Variants in SRCIN1 observed in about 807,000 individuals in gnomAD.
SRCIN1 encodes SRC kinase signaling inhibitor 1, also known as P130Cas-associated protein.
SRCIN1 carries 50 observed loss-of-function variants against 116.2 expected under a neutral mutation model. The observed-to-expected ratio is 0.43, with a 90% CI of 0.34 to 0.54. The LOEUF (loss-of-function observed/expected upper bound fraction) is 0.54, where lower values mean the gene tolerates loss of function less well. Ranked by LOEUF, SRCIN1 falls within the 20% of genes least tolerant of loss-of-function variation. SRCIN1 has a pLI of 0.02. For synonymous variants in SRCIN1, 736 were observed against 750.0 expected (o/e 0.98, Z 0.30); for missense variants, 1,446 against 1,672.0 (o/e 0.86, Z 2.36).
intron 11 of SRCIN1, among the ~76,000 whole-genome samples, chr17:38,557,405 C>T (rs1905878894): frequency 6.6e-6 from 1 of 152,244 alleles, no homozygotes; most frequent in African/African-American, 2.4e-5. Flanking sequence ...ATCACTCAGC[C>T]TCTCAGTGCT....
chr17:38,584,361 A>G (rs898295900), intron 1 of SRCIN1, among the ~76,000 whole-genome samples: 6 of 152,198 alleles, frequency 3.9e-5, no homozygotes, highest in Admixed American at 6.5e-5. Flanking sequence ...TGAGTCCGAG[A>G]TTCAAGCCAC....
chr17:38,604,549 C>G lies in SRCIN1; in HGVS notation c.22+1135G>C. On this transcript the variant is annotated intron_variant, in intron 1 of 18. Coordinates refer to ENST00000617146, the MANE Select transcript of SRCIN1 (RefSeq NM_025248.3). The surrounding 1 kb of genome is among the most constrained non-coding windows in gnomAD (Gnocchi z 4.3). ...TGGGAGAGCGGGCTCTGCCCTCCGC[C>G]GTCCTCTCCCACCAGGCCAGGGCAA... 2 of 454,818 alleles carry G rather than the reference C, an allele frequency of 4.4e-6. No individual in the cohort carries two copies. Among genetic ancestry groups the G allele is most frequent in the Non-Finnish European group, 8.8e-6 (2 of 226,372 alleles). The allele number at this position is 454,818 out of a possible 1,614,324, so 28.2% of individuals were successfully genotyped here.
Position 38,548,600 on chromosome 17 carries a change from A to G in SRCIN1, c.3227T>C (p.Ile1076Thr). Residue 1076 changes from isoleucine (I) to threonine (T), a missense_variant, in exon 17 of 19, where the codon ATC becomes ACC. Transcript: ENST00000617146. ...ASTPPIMASA[I>T]KDEDDEDRII... ...GCGATCCTCGTCATCCTCGTCCTTG[A>G]TGGCCGAGGCCATGATGGGTGGTGT... 1 of 1,612,994 alleles carries G rather than the reference A, an allele frequency of 6.2e-7. No individual in the cohort carries two copies. The highest frequency in any genetic ancestry group is 2.2e-5 in the East Asian group (1 of 44,848).
Position 38,585,877 on chromosome 17 carries a change from G to A in SRCIN1, c.23-7086C>T, listed in dbSNP as rs2143371538. 6.6e-6 allele frequency among the ~76,000 whole-genome samples: 1 copy of A among 152,290 alleles called. No homozygotes were observed. The highest frequency in any genetic ancestry group is 1.9e-4 in the East Asian group (1 of 5,188). On this transcript the variant is annotated intron_variant, in intron 1 of 18. Coordinates refer to ENST00000617146, the MANE Select transcript of SRCIN1 (RefSeq NM_025248.3). The surrounding 1 kb of genome is among the most constrained non-coding windows in gnomAD (Gnocchi z 4.2). ...GGGGGGAAGGAGGCAGCTGGACTGA[G>A]GATTGGAGACAGGGGGCTCCTGCCT... is the stretch of plus-strand genomic sequence containing the variant.
chr17:38,596,514 C>G (rs557691284), intron 1 of SRCIN1, among the ~76,000 whole-genome samples: 1 of 152,266 alleles, frequency 6.6e-6, no homozygotes, highest in Admixed American at 6.5e-5. Flanking sequence ...CACCCAGAAA[C>G]AGGGGCAGAC....
rs1907142442 is a variant in SRCIN1, at chr17:38,572,439, GA to G, written c.325-4209del. Among the ~76,000 whole-genome samples the G allele has an allele frequency of 6.6e-6, 1 of 152,208 alleles. No individual in the cohort carries two copies. Among genetic ancestry groups the G allele is most frequent in the African/African-American group, 2.4e-5 (1 of 41,454 alleles). ...AGGTCATGACTTTCCGACGCTGGGG[GA>G]GGGGGCGCCAGCCTGATTTTGGAGT... On this transcript the variant is annotated intron_variant, in intron 2 of 18. Transcript: ENST00000617146. The surrounding 1 kb of genome is among the most constrained non-coding windows in gnomAD (Gnocchi z 4.3).
chr17:38,582,743 A>T (rs1907894006), intron 1 of SRCIN1, among the ~76,000 whole-genome samples: 1 of 152,178 alleles, frequency 6.6e-6, no homozygotes. Context: ...CTTTTATATA[A>T]CAAAAAAGTA....
At chr17:38,603,282 C>T (rs1275948673) in intron 1 of SRCIN1, among the ~76,000 whole-genome samples, 1 of 151,868 alleles carries the variant, frequency 6.6e-6, no homozygotes, top group East Asian at 1.9e-4. Context: ...AGTGCCCAAC[C>T]CAGTATCCTG....
Position 38,532,667 on chromosome 17 carries a change from C to T in SRCIN1, c.*630G>A, listed in dbSNP as rs1239694292. The T allele has an allele frequency of 6.6e-6, 1 of 152,462 alleles. No individual in the cohort carries two copies. Among genetic ancestry groups the T allele is most frequent in the Admixed American group, 6.5e-5 (1 of 15,290 alleles). 9.4% of individuals were successfully genotyped at this position (152,462 alleles called of 1,614,324 possible). ...CGTCTCCAGCCTGTCCGTCTCTACT[C>T]CAGGCCCACTTGGGTGTGAGTGGGA... is the stretch of plus-strand genomic sequence containing the variant. On this transcript the variant is annotated 3_prime_UTR_variant, in exon 19 of 19. Coordinates refer to ENST00000617146, the MANE Select transcript of SRCIN1 (RefSeq NM_025248.3). This position sits in a 1 kb window ranked among gnomAD's most constrained non-coding sequence, Gnocchi z 4.3.
At chr17:38,537,889 C>T (rs983482848) in intron 18 of SRCIN1, among the ~76,000 whole-genome samples, 14 of 151,524 alleles carry the variant, frequency 9.2e-5, no homozygotes, top group African/African-American at 2.2e-4. Context: ...ATCACAAGGT[C>T]GGGAGTTCAA....
chr17:38,555,435 A>C (rs1019087313), intron 11 of SRCIN1, among the ~76,000 whole-genome samples: 1 of 152,216 alleles, frequency 6.6e-6, no homozygotes, highest in Non-Finnish European at 1.5e-5. Flanking sequence ...GAATGACTGC[A>C]TGGAGAAGAG....
At chr17:38,543,731 T>A in intron 18 of SRCIN1, 92 bp downstream of exon 18, 1 of 1,501,996 alleles carries the variant, frequency 6.7e-7, no homozygotes, top group Non-Finnish European at 8.9e-7. Flanking sequence ...GGAAAGCTGG[T>A]CACGGGAGCA....
At chr17:38,590,057 A>G (rs1908357023) in intron 1 of SRCIN1, among the ~76,000 whole-genome samples, 1 of 152,210 alleles carries the variant, frequency 6.6e-6, no homozygotes, top group Non-Finnish European at 1.5e-5. Flanking sequence ...TCAGAGCAGC[A>G]TCTGGGAATG....
chr17:38,564,283 G>C lies in SRCIN1; in HGVS notation c.376C>G (p.Gln126Glu), dbSNP rs1252030100. Residue 126 changes from glutamine (Q) to glutamate (E), a missense_variant, in exon 4 of 19, where the codon CAG (glutamine) becomes GAG (glutamate). Physicochemically the swap from Gln to Glu is conservative, Grantham distance 29. Around this residue, in one of 5 missense-constraint regions of SRCIN1, gnomAD observed 246 missense variants for 265.1 expected, o/e 0.93. Transcript: ENST00000617146. ...GCCGCCTGGTCTGCCAGCCCGGGCTGGGCTCCCTGAGTGTGGCGTGAGCTG... is the reference window on the plus strand; with the variant it reads ...GCCGCCTGGTCTGCCAGCCCGGGCTCGGCTCCCTGAGTGTGGCGTGAGCTG... ...TRSSRHTQGA[Q>E]PGLADQAAKL... 6.4e-7 allele frequency: 1 copy of C among 1,570,282 alleles called. No homozygotes were observed. The highest frequency in any genetic ancestry group is 1.2e-5 in the South Asian group (1 of 85,850).
chr17:38,560,412 C>T lies in SRCIN1; in HGVS notation c.1714G>A (p.Ala572Thr). 1 of 1,611,192 alleles carries T rather than the reference C, an allele frequency of 6.2e-7. No homozygotes were observed. The change falls in exon 8 of 19, where the codon GCC becomes ACC. Residue 572 changes from alanine (A) to threonine (T), a missense_variant. Transcript: ENST00000617146. ...AGGCTGGCAATCTGCTTCTCCATGGCCTCCATGCGCTCCCTGGGGAGGAAG... is the reference window on the plus strand; with the variant it reads ...AGGCTGGCAATCTGCTTCTCCATGGTCTCCATGCGCTCCCTGGGGAGGAAG... ...KDTETRERME[A>T]MEKQIASLTG...
chr17:38,585,220 A>C lies in SRCIN1; in HGVS notation c.23-6429T>G, dbSNP rs1908047200. Reference sequence around the variant, plus strand: ...GCAGGGCAGCAGGAGAGGAGCATGGAGACAGCTGGAAGGGTGGAGGACCTG... The same window carrying C: ...GCAGGGCAGCAGGAGAGGAGCATGGCGACAGCTGGAAGGGTGGAGGACCTG... On this transcript the variant is annotated intron_variant, in intron 1 of 18. Transcript: ENST00000617146. The surrounding 1 kb of genome is among the most constrained non-coding windows in gnomAD (Gnocchi z 4.2). Among the ~76,000 whole-genome samples the C allele has an allele frequency of 1.3e-5, 2 of 152,300 alleles. No homozygotes were observed. The highest frequency in any genetic ancestry group is 4.1e-4 in the South Asian group (2 of 4,828).
At chr17:38,583,034 T>C (rs1411849045) in intron 1 of SRCIN1, among the ~76,000 whole-genome samples, 1 of 152,186 alleles carries the variant, frequency 6.6e-6, no homozygotes, top group African/African-American at 2.4e-5. Flanking sequence ...AGAGACACCC[T>C]GGGTGTCTTA....
In SRCIN1 at chr17:38,533,413, C is replaced by G. The variant is rs374609814; in HGVS notation, c.3436G>C (p.Glu1146Gln). 6.2e-6 allele frequency: 10 copies of G among 1,613,158 alleles called. No homozygotes were observed. Among genetic ancestry groups the G allele is most frequent in the Non-Finnish European group, 7.6e-6 (9 of 1,179,728 alleles). Reference protein sequence around the residue: ...AQQQATKPSKEMSGSNETSSP... With the variant: ...AQQQATKPSKQMSGSNETSSP... ...GAGGTCTCATTCGACCCGCTCATCT[C>G]TTTAGATGGTTTAGTGGCCTGGAAC... Residue 1146 changes from glutamate to glutamine, a missense_variant, in exon 19 of 19, where the codon GAG (glutamate) becomes CAG (glutamine). Coordinates refer to ENST00000617146, the MANE Select transcript of SRCIN1 (RefSeq NM_025248.3).
Position 38,549,145 on chromosome 17 carries a change from G to T in SRCIN1, c.3028C>A (p.Arg1010Ser), listed in dbSNP as rs1905242760. 2 of 1,599,234 alleles carry T rather than the reference G, an allele frequency of 1.3e-6. No individual in the cohort carries two copies. The highest frequency in any genetic ancestry group is 2.7e-5 in the African/African-American group (2 of 74,554). ...PSKSPPPPPP[R>S]RSFPSSHGLT... Reference sequence around the variant, plus strand: ...CCATGGGAGGAGGGGAAGCTCCGGCGGGGAGGGGGCGGTGGGGGCGACTTG... The same window carrying T: ...CCATGGGAGGAGGGGAAGCTCCGGCTGGGAGGGGGCGGTGGGGGCGACTTG... The change falls in exon 16 of 19, where the codon CGC becomes AGC. Residue 1010 changes from arginine (R) to serine (S), a missense_variant. Arg to Ser is a moderately radical substitution (Grantham distance 110, BLOSUM62 -1). This residue lies in a region of SRCIN1 where 531 missense variants were observed against 633.9 expected (regional missense o/e 0.84). Transcript: ENST00000617146.
Sources: allele counts gnomAD v4.1 joint callset (sites outside exome capture counted in the v4.1 genomes callset), GRCh38; gene constraint gnomAD v4.1.1; regional missense constraint gnomAD v4.1.1; non-coding constraint Gnocchi (gnomAD v3.1); transcripts MANE v1.5; gene names NCBI Gene and HGNC (gene_info 2026-07-23, HGNC 2026-07-21).